AIG1: variants seen among roughly 807,000 people sequenced by gnomAD.
The protein encoded by AIG1 is androgen-induced gene 1 protein.
In AIG1, 23 loss-of-function variants were observed where a neutral mutation model predicts 31.4. The ratio of observed to expected loss-of-function variants is 0.73; its 90% confidence interval spans 0.53 to 1.04. The LOEUF (loss-of-function observed/expected upper bound fraction) is 1.04. Ranked by LOEUF, AIG1 falls within the 50% of genes least tolerant of loss-of-function variation. AIG1 has a pLI of 0.00. For missense variants in AIG1, 274 were observed against 295.0 expected, an observed-to-expected ratio of 0.93 and a Z score of 0.52; for synonymous variants, 100 against 110.5, an observed-to-expected ratio of 0.90 and a Z score of 0.60.
At chr6:143,081,525 G>A (rs1232487370) in intron 1 of AIG1, among the ~76,000 whole-genome samples, 7 of 151,246 alleles carry the variant, frequency 4.6e-5, no homozygotes, top group Admixed American at 4.0e-4. Context: ...TCTTCTCCTG[G>A]GTAATGGCCT....
At chr6:143,220,235 T>TA (rs1413981768) in intron 3 of AIG1, among the ~76,000 whole-genome samples, 1 of 152,216 alleles carries the variant, frequency 6.6e-6, no homozygotes, top group Non-Finnish European at 1.5e-5. Context: ...TAACTAAAGA[T>TA]ACCCTGGACG....
At chr6:143,059,889 G>A (rs1032094380), upstream of AIG1, among the ~76,000 whole-genome samples, 4 of 152,206 alleles carry the variant, frequency 2.6e-5, no homozygotes, top group Non-Finnish European at 5.9e-5. Flanking sequence ...CAACTTCAGT[G>A]TGACAACATT....
chr6:143,238,237 G>C (rs944703698), intron 3 of AIG1, among the ~76,000 whole-genome samples: 1 of 152,104 alleles, frequency 6.6e-6, no homozygotes, highest in African/African-American at 2.4e-5. Flanking sequence ...CACCGCACCC[G>C]GCCCCATTTT....
chr6:143,291,267 A>G lies in AIG1; in HGVS notation c.515+7042A>G, dbSNP rs1194560643. On this transcript the variant is annotated intron_variant, in intron 4 of 5. Transcript: ENST00000357847. This position sits in a 1 kb window ranked among gnomAD's most constrained non-coding sequence, Gnocchi z 4.2. ...GTTTGACATAGAGGAAGGTTGCTGG[A>G]GTTGAGCTGTCTTGATGGTGGCCCA... Among the ~76,000 whole-genome samples, 3 of 152,142 alleles carry G rather than the reference A, an allele frequency of 2.0e-5. No individual in the cohort carries two copies. The East Asian group carries it at 5.8e-4, about 29-fold the overall frequency.
At chr6:143,138,335 A>G (rs950050775) in intron 2 of AIG1, among the ~76,000 whole-genome samples, 2 of 152,196 alleles carry the variant, frequency 1.3e-5, no homozygotes, top group African/African-American at 4.8e-5. Flanking sequence ...AATACTTTCT[A>G]TCAGAATAGT....
At chr6:143,135,672 G>A (rs1191919627) in intron 1 of AIG1, among the ~76,000 whole-genome samples, 2 of 152,120 alleles carry the variant, frequency 1.3e-5, no homozygotes, top group African/African-American at 4.8e-5. Flanking sequence ...CAATTTCTGT[G>A]TTCTAGTGCT....
chr6:143,186,408 G>A (rs149825168), intron 3 of AIG1, among the ~76,000 whole-genome samples: 2 of 152,192 alleles, frequency 1.3e-5, no homozygotes, highest in Non-Finnish European at 2.9e-5. Context: ...GTAAACCTGG[G>A]TATAATAATT....
At chr6:143,071,883 A>G (rs1777313899) in intron 1 of AIG1, among the ~76,000 whole-genome samples, 2 of 151,814 alleles carry the variant, frequency 1.3e-5, no homozygotes, top group African/African-American at 2.4e-5. Context: ...TTCTGGGCTC[A>G]GTTGATCCTC....
intron 3 of AIG1, among the ~76,000 whole-genome samples, chr6:143,191,846 T>A (rs1487885338): frequency 6.6e-6 from 1 of 152,186 alleles, no homozygotes; most frequent in Non-Finnish European, 1.5e-5. Context: ...AACCCTGAGG[T>A]GCAAATGAAT....
intron 3 of AIG1, among the ~76,000 whole-genome samples, chr6:143,275,119 T>A (rs75756791): frequency 0.01 from 1,553 of 152,300 alleles, 23 homozygotes; most frequent in African/African-American, 0.036. Flanking sequence ...GTTGTCTGTA[T>A]TGTGGAGCTT....
intron 3 of AIG1, among the ~76,000 whole-genome samples, chr6:143,248,718 T>C (rs1220241616): frequency 6.6e-6 from 1 of 152,196 alleles, no homozygotes; most frequent in Non-Finnish European, 1.5e-5. Flanking sequence ...AAAATAGGTG[T>C]GCTTCATCCT....
chr6:143,287,005 C>G (rs1327236965), intron 4 of AIG1, among the ~76,000 whole-genome samples: 1 of 151,834 alleles, frequency 6.6e-6, no homozygotes, highest in Non-Finnish European at 1.5e-5. Context: ...AAAGGCCATC[C>G]CGGTCTCCTT....
At chr6:143,085,873 G>A (rs1420542992) in intron 1 of AIG1, among the ~76,000 whole-genome samples, 1 of 152,216 alleles carries the variant, frequency 6.6e-6, no homozygotes, top group African/African-American at 2.4e-5. Flanking sequence ...TCGGACCTTT[G>A]TATGGTAATT....
At chr6:143,313,130 A>G (rs1237714407) in intron 4 of AIG1, among the ~76,000 whole-genome samples, 3 of 152,256 alleles carry the variant, frequency 2.0e-5, no homozygotes, top group African/African-American at 2.4e-5. Flanking sequence ...TACAGCCACT[A>G]TGGAAAACAG....
At chr6:143,147,239 G>A (rs918605955) in intron 2 of AIG1, among the ~76,000 whole-genome samples, 2 of 152,172 alleles carry the variant, frequency 1.3e-5, no homozygotes, top group Non-Finnish European at 2.9e-5. Flanking sequence ...AGTGAAAGGA[G>A]CCCTTAAGCC....
At chr6:143,129,955 G>A (rs375651458) in intron 1 of AIG1, among the ~76,000 whole-genome samples, 1 of 135,316 alleles carries the variant, frequency 7.4e-6, no homozygotes, top group African/African-American at 2.8e-5. Flanking sequence ...TTTTTTGGAC[G>A]ATGTCTCCCT....
At chr6:143,266,220 G>A (rs1055504192) in intron 3 of AIG1, among the ~76,000 whole-genome samples, 2 of 151,676 alleles carry the variant, frequency 1.3e-5, no homozygotes, top group South Asian at 2.1e-4. Flanking sequence ...GGTGGCGAGC[G>A]CCTGTAATCC....
chr6:143,217,770 A>G (rs1792148636), intron 3 of AIG1, among the ~76,000 whole-genome samples: 2 of 152,166 alleles, frequency 1.3e-5, no homozygotes, highest in Non-Finnish European at 2.9e-5. Flanking sequence ...TGGCCTCCCA[A>G]AGTGCGGGGA....
rs1199824873 is a variant in AIG1 at position 143,280,107 on chromosome 6, C to T, written c.400-4003C>T. 6.6e-6 allele frequency among the ~76,000 whole-genome samples: 1 copy of T among 152,206 alleles called. No homozygotes were observed. Among genetic ancestry groups the T allele is most frequent in the Non-Finnish European group, 1.5e-5 (1 of 68,030 alleles). ...GTGGATCTACATCTACCTGAAAATA[C>T]TGTAAGTTGTAAATGGTATTTGTGT... On this transcript the variant is annotated intron_variant, in intron 3 of 5. Coordinates refer to ENST00000357847, the MANE Select transcript of AIG1 (RefSeq NM_016108.4). The surrounding 1 kb of genome is among the most constrained non-coding windows in gnomAD (Gnocchi z 4.1).
Sources: allele counts gnomAD v4.1 joint callset (sites outside exome capture counted in the v4.1 genomes callset), GRCh38; gene constraint gnomAD v4.1.1; non-coding constraint Gnocchi (gnomAD v3.1); transcripts MANE v1.5; gene names NCBI Gene and HGNC (gene_info 2026-07-23, HGNC 2026-07-21).